The following GADL1 variants were observed in gnomAD, a reference collection of about 807,000 sequenced individuals.
GADL1 encodes acidic amino acid decarboxylase GADL1.
In GADL1, 71 loss-of-function variants were observed where a neutral mutation model predicts 69.5. The observed-to-expected ratio is 1.02, with a 90% CI of 0.84 to 1.25. GADL1 has a LOEUF of 1.25. GADL1 is among the 50% of genes most tolerant of loss of function. The pLI is 0.00. For synonymous variants in GADL1, 254 were observed against 214.4 expected (o/e 1.18, Z -1.62); for missense variants, 737 against 631.8 (o/e 1.17, Z -1.79).
intron 14 of GADL1, among the ~76,000 whole-genome samples, chr3:30,766,973 C>A (rs1696296373): frequency 6.6e-6 from 1 of 152,114 alleles, no homozygotes; most frequent in South Asian, 2.1e-4. Flanking sequence ...TATAGTCCTT[C>A]AAATATGAGG....
chr3:30,763,099 C>T (rs1032029674), intron 14 of GADL1, among the ~76,000 whole-genome samples: 1 of 152,032 alleles, frequency 6.6e-6, no homozygotes, highest in Non-Finnish European at 1.5e-5. Flanking sequence ...AATCTAGCAC[C>T]ATAAATAGGT....
chr3:30,842,011 A>G (rs1373107912), intron 8 of GADL1, among the ~76,000 whole-genome samples: 1 of 152,198 alleles, frequency 6.6e-6, no homozygotes, highest in Admixed American at 6.5e-5. Flanking sequence ...ACAAAAATCT[A>G]TAATGTGGAA....
chr3:30,839,366 A>G (rs566049152), intron 8 of GADL1, among the ~76,000 whole-genome samples: 4 of 151,946 alleles, frequency 2.6e-5, no homozygotes, highest in African/African-American at 9.6e-5. Flanking sequence ...TATTATTCTC[A>G]TGTTTTTTGT....
intron 12 of GADL1, 200 bp downstream of exon 12, chr3:30,800,689 A>G: frequency 1.7e-6 from 1 of 589,126 alleles, no homozygotes; most frequent in South Asian, 2.0e-5. Flanking sequence ...AATTCCTAAC[A>G]CTTAGTAGGT....
chr3:30,807,798 G>A (rs1193088887), intron 11 of GADL1, among the ~76,000 whole-genome samples: 1 of 152,152 alleles, frequency 6.6e-6, no homozygotes, highest in East Asian at 1.9e-4. Context: ...TTGGGAGGCT[G>A]AGTCGGGCAG....
At chr3:30,813,039 A>C (rs1697392450) in intron 11 of GADL1, among the ~76,000 whole-genome samples, 1 of 152,066 alleles carries the variant, frequency 6.6e-6, no homozygotes, top group African/African-American at 2.4e-5. Flanking sequence ...CTCCATGAGA[A>C]GGCACATGAG....
chr3:30,779,247 C>T (rs1389475419), intron 13 of GADL1, among the ~76,000 whole-genome samples: 1 of 152,188 alleles, frequency 6.6e-6, no homozygotes, highest in Non-Finnish European at 1.5e-5. Context: ...GAATTGTATT[C>T]AGGAAAGATT....
chr3:30,893,102 C>G (rs936488822), intron 1 of GADL1, among the ~76,000 whole-genome samples: 4 of 152,210 alleles, frequency 2.6e-5, no homozygotes, highest in African/African-American at 9.6e-5. Flanking sequence ...GCGATCTGCC[C>G]ACCTCGGCCT....
intron 14 of GADL1, among the ~76,000 whole-genome samples, chr3:30,731,564 T>A (rs1695457051): frequency 6.6e-6 from 1 of 152,214 alleles, no homozygotes; most frequent in Non-Finnish European, 1.5e-5. Flanking sequence ...AATATAAAGA[T>A]ACTTTGGATG....
chr3:30,875,559 G>T (rs546976464), intron 1 of GADL1, among the ~76,000 whole-genome samples: 1 of 152,010 alleles, frequency 6.6e-6, no homozygotes, highest in Admixed American at 6.5e-5. Context: ...CAATAGTCAT[G>T]CAGGCCAGGA....
At chr3:30,884,314 T>C (rs962950172) in intron 1 of GADL1, among the ~76,000 whole-genome samples, 8 of 152,052 alleles carry the variant, frequency 5.3e-5, no homozygotes, top group African/African-American at 1.9e-4. Flanking sequence ...CTTTGTGATA[T>C]ACTTTTCAAA....
chr3:30,811,958 T>TC (rs1394043743), intron 11 of GADL1, among the ~76,000 whole-genome samples: 1 of 152,200 alleles, frequency 6.6e-6, no homozygotes, highest in African/African-American at 2.4e-5. Flanking sequence ...TGGGTCTTGA[T>TC]CTCACATTGA....
chr3:30,848,797 T>C (rs952175815), intron 6 of GADL1, among the ~76,000 whole-genome samples: 1 of 152,234 alleles, frequency 6.6e-6, no homozygotes, highest in Admixed American at 6.5e-5. Flanking sequence ...GATGACACTT[T>C]ACATGCAATT....
At chr3:30,777,656 T>G (rs532141859) in intron 14 of GADL1, among the ~76,000 whole-genome samples, 1 of 151,920 alleles carries the variant, frequency 6.6e-6, no homozygotes, top group South Asian at 2.1e-4. Context: ...CCAACAGCTG[T>G]GTGTGAAGAC....
At chr3:30,846,586 G>GCTGACTA (rs1198735358) in intron 6 of GADL1, among the ~76,000 whole-genome samples, 2 of 152,160 alleles carry the variant, frequency 1.3e-5, no homozygotes, top group Non-Finnish European at 2.9e-5. Flanking sequence ...GGACTCCAGT[G>GCTGACTA]CTGACTAATT....
intron 11 of GADL1, among the ~76,000 whole-genome samples, chr3:30,817,303 T>C (rs2125515865): frequency 6.6e-6 from 1 of 152,334 alleles, no homozygotes; most frequent in East Asian, 1.9e-4. Flanking sequence ...ATTTTATTGT[T>C]ATATTGTAAA....
chr3:30,870,366 G>A (rs1698463418), intron 1 of GADL1, among the ~76,000 whole-genome samples: 6 of 151,848 alleles, frequency 4.0e-5, no homozygotes, highest in Middle Eastern at 3.4e-3. Flanking sequence ...AGAAGGAACA[G>A]AAAATGCAAG....
intron 8 of GADL1, among the ~76,000 whole-genome samples, chr3:30,842,374 G>T (rs1575230106): frequency 6.6e-6 from 1 of 151,950 alleles, no homozygotes; most frequent in African/African-American, 2.4e-5. Context: ...GTGGTATGAG[G>T]GTATGTGGTA....
chr3:30,802,215 G>A (rs978121306), intron 11 of GADL1, among the ~76,000 whole-genome samples: 5 of 152,056 alleles, frequency 3.3e-5, no homozygotes, highest in Admixed American at 6.6e-5. Flanking sequence ...TGTGCTTTCC[G>A]CATGCAATGA....
Sources: gnomAD v4.1 joint callset for allele counts (sites outside exome capture counted in the v4.1 genomes callset) on GRCh38, gnomAD v4.1.1 for gene constraint, MANE v1.5 for transcripts, NCBI Gene and HGNC (gene_info 2026-07-23, HGNC 2026-07-21) for gene names.